PRKN: variants seen among roughly 807,000 people sequenced by gnomAD.
PRKN encodes E3 ubiquitin-protein ligase parkin.
PRKN carries 56 observed loss-of-function variants against 59.5 expected under a neutral mutation model. The observed-to-expected ratio is 0.94, with a 90% CI of 0.76 to 1.18. The LOEUF (loss-of-function observed/expected upper bound fraction) is 1.18. PRKN is among the 50% of genes most tolerant of loss of function. The pLI is 0.00. For missense variants in PRKN, 657 were observed against 596.4 expected (o/e 1.10, Z -1.06); for synonymous variants, 250 against 222.1 (o/e 1.13, Z -1.12).
chr6:162,362,628 C>T lies in PRKN; in HGVS notation c.171+80682G>A, dbSNP rs567406567. ...AATTCTGTTAGATAAATCAGACTAA[C>T]ATGGGAGACATTGTAAATATTAAGA... On this transcript the variant is annotated intron_variant, in intron 2 of 11. Transcript: ENST00000366898. Among the ~76,000 whole-genome samples the T allele has an allele frequency of 3.9e-5, 6 of 152,206 alleles. 1 individual carries two copies. In the South Asian group the frequency reaches 8.3e-4, roughly 21 times the overall value.
intron 2 of PRKN, among the ~76,000 whole-genome samples, chr6:162,277,654 C>T (rs1780693374): frequency 6.6e-6 from 1 of 152,066 alleles, no homozygotes; most frequent in South Asian, 2.1e-4. Context: ...AGATACCTCA[C>T]CAAAGAAGAT....
chr6:162,041,293 T>A (rs1462751944), intron 5 of PRKN, among the ~76,000 whole-genome samples: 1 of 152,220 alleles, frequency 6.6e-6, no homozygotes, highest in Non-Finnish European at 1.5e-5. Context: ...AGATAGCTCA[T>A]GAGTTCGTCT....
intron 7 of PRKN, among the ~76,000 whole-genome samples, chr6:161,638,457 A>G (rs889546703): frequency 6.6e-6 from 1 of 152,128 alleles, no homozygotes; most frequent in African/African-American, 2.4e-5. Context: ...TTCTTAAACA[A>G]TCTTGTCCAT....
At chr6:161,715,989 C>A in intron 7 of PRKN, 1 of 640,790 alleles carries the variant, frequency 1.6e-6, no homozygotes, top group Non-Finnish European at 2.6e-6. Context: ...GGGGTGGGGC[C>A]CTGTGATCTA....
In PRKN at chr6:161,611,734, G is replaced by A. The variant is rs530517144; in HGVS notation, c.872-42318C>T. On this transcript the variant is annotated intron_variant, in intron 7 of 11. Transcript: ENST00000366898. ...AATAAACCTACAATGGCCTCCAAGTGTTCAAGTGAAAGGAAGAGTCACACA... is the reference window on the plus strand; with the variant it reads ...AATAAACCTACAATGGCCTCCAAGTATTCAAGTGAAAGGAAGAGTCACACA... 3.9e-5 allele frequency among the ~76,000 whole-genome samples: 6 copies of A among 152,282 alleles called. No homozygotes were observed. The South Asian group carries it at 1.2e-3, about 32-fold the overall frequency.
At chr6:161,672,185 C>A (rs1056110529) in intron 7 of PRKN, among the ~76,000 whole-genome samples, 12 of 152,114 alleles carry the variant, frequency 7.9e-5, no homozygotes, top group African/African-American at 2.9e-4. Flanking sequence ...TGATTTCCAA[C>A]AAAAGACAGG....
At chr6:161,787,018 C>A (rs1297410560) in intron 6 of PRKN, among the ~76,000 whole-genome samples, 1 of 151,962 alleles carries the variant, frequency 6.6e-6, no homozygotes, top group Non-Finnish European at 1.5e-5. Flanking sequence ...AGCCCCAAGG[C>A]GATTTTAATA....
rs143607410 is a variant in PRKN at position 161,446,807 on chromosome 6, C to T, written c.1084-59930G>A. 1.5e-3 allele frequency among the ~76,000 whole-genome samples: 223 copies of T among 152,258 alleles called. 2 individuals are homozygous for T. Among genetic ancestry groups the T allele is most frequent in the African/African-American group, 5.1e-3 (210 of 41,552 alleles). On this transcript the variant is annotated intron_variant, in intron 9 of 11. Transcript: ENST00000366898. This position sits in a 1 kb window ranked among gnomAD's most constrained non-coding sequence, Gnocchi z 6.2. ...GGTGGCAACTGCAGAACAGACAGCT[C>T]TTTGGATTTCTTTAAATTGCCATTT...
chr6:161,569,246 G>A (rs984472899), intron 8 of PRKN, 109 bp downstream of exon 8: 4 of 940,616 alleles, frequency 4.3e-6, no homozygotes, highest in Non-Finnish European at 5.2e-6. Flanking sequence ...CCCCATTTCA[G>A]GGCACCCAGG....
At chr6:162,569,249 A>G in intron 1 of PRKN, 1 of 581,322 alleles carries the variant, frequency 1.7e-6, no homozygotes, top group Non-Finnish European at 3.2e-6. Context: ...TGAGGGCCTC[A>G]AAAGCCAGAG....
At chr6:162,387,563 G>C (rs879797850) in intron 2 of PRKN, among the ~76,000 whole-genome samples, 29,286 of 97,230 alleles carry the variant, frequency 0.3, 3,388 homozygotes, top group East Asian at 0.45. Flanking sequence ...CACAGAGAGA[G>C]AGAGAGAGAG....
At position 162,522,488 on chromosome 6, in the gene PRKN, T is replaced by C. The variant is rs564861689; in HGVS notation, c.8-79015A>G. Reference sequence around the variant, plus strand: ...CAACAATGGCTATTGGTCTATACCATCATGATAAAGCAGATTAAAGAATAT... The same window carrying C: ...CAACAATGGCTATTGGTCTATACCACCATGATAAAGCAGATTAAAGAATAT... On this transcript the variant is annotated intron_variant, in intron 1 of 11. Coordinates refer to ENST00000366898, the MANE Select transcript of PRKN (RefSeq NM_004562.3). Among the ~76,000 whole-genome samples, 2 of 152,254 alleles carry C rather than the reference T, an allele frequency of 1.3e-5. 1 individual carries two copies. Among genetic ancestry groups the C allele is most frequent in the Non-Finnish European group, 2.9e-5 (2 of 68,040 alleles).
At chr6:162,227,029 G>A (rs1433102870) in intron 3 of PRKN, among the ~76,000 whole-genome samples, 1 of 152,184 alleles carries the variant, frequency 6.6e-6, no homozygotes, top group Non-Finnish European at 1.5e-5. Flanking sequence ...TGGCTCTCCT[G>A]CAAATGCACA....
At chr6:162,216,917 ATTAGGTTTAAT>A (rs1777700059) in intron 3 of PRKN, among the ~76,000 whole-genome samples, 1 of 152,174 alleles carries the variant, frequency 6.6e-6, no homozygotes, top group Non-Finnish European at 1.5e-5. Flanking sequence ...GATACTTCTT[ATTAGGTTTAAT>A]TTAACTGGCA....
At position 161,360,012 on chromosome 6, in the gene PRKN, C is replaced by T; in HGVS notation, c.1285+76G>A. 3 of 1,107,582 alleles carry T rather than the reference C, an allele frequency of 2.7e-6. No individual in the cohort carries two copies. The allele number at this position is 1,107,582 out of a possible 1,614,324, so 68.6% of individuals were successfully genotyped here. A position where few individuals can be genotyped will look rare whatever the true frequency, so the allele number is the denominator to read the frequency against. On this transcript the variant is annotated intron_variant, in intron 11 of 11. Transcript: ENST00000366898. This position sits in a 1 kb window ranked among gnomAD's most constrained non-coding sequence, Gnocchi z 5.1. ...ACCTTCAGACAGCATCTCCTTTAAT[C>T]CTGGAATCCCTGATGGGTATGATTC...
intron 1 of PRKN, among the ~76,000 whole-genome samples, chr6:162,460,860 T>G (rs982488026): frequency 8.5e-5 from 13 of 152,192 alleles, no homozygotes; most frequent in African/African-American, 2.9e-4. Flanking sequence ...CCTGAAATAG[T>G]ACTAATGGTA....
chr6:162,153,819 A>G (rs1022183331), intron 4 of PRKN, among the ~76,000 whole-genome samples: 6 of 152,140 alleles, frequency 3.9e-5, no homozygotes, highest in East Asian at 3.9e-4. Flanking sequence ...CCTCTCCCCA[A>G]TGTCCAGCCA....
chr6:162,423,980 C>A (rs1481820867), intron 2 of PRKN, among the ~76,000 whole-genome samples: 1 of 151,998 alleles, frequency 6.6e-6, no homozygotes, highest in Non-Finnish European at 1.5e-5. Context: ...TTCATAATTG[C>A]CAAAGTTTGG....
chr6:162,419,825 G>C (rs1373537870), intron 2 of PRKN, among the ~76,000 whole-genome samples: 1 of 151,972 alleles, frequency 6.6e-6, no homozygotes, highest in Non-Finnish European at 1.5e-5. Context: ...GAAAGAGAGA[G>C]AGAGAACCAT....
Sources: allele counts gnomAD v4.1 joint callset (sites outside exome capture counted in the v4.1 genomes callset), GRCh38; gene constraint gnomAD v4.1.1; non-coding constraint Gnocchi (gnomAD v3.1); transcripts MANE v1.5; gene names NCBI Gene and HGNC (gene_info 2026-07-23, HGNC 2026-07-21).